Variants in ATRNL1 observed in about 807,000 individuals in gnomAD.
ATRNL1 encodes the protein attractin like 1.
Under a neutral mutation model 182.7 loss-of-function variants are expected in ATRNL1, and 95 were observed. The observed-to-expected ratio is 0.52, with a 90% confidence interval of 0.44 to 0.62. The LOEUF (loss-of-function observed/expected upper bound fraction) is 0.62, where lower values mean the gene tolerates loss of function less well. ATRNL1 is among the 20% of genes least tolerant of loss of function. ATRNL1 has a pLI of 0.00. For synonymous variants in ATRNL1, 576 were observed against 568.3 expected, an observed-to-expected ratio of 1.01 and a Z score of -0.19; for missense variants, 1,471 against 1,679.5, an observed-to-expected ratio of 0.88 and a Z score of 2.17.
At chr10:115,777,170 T>C (rs1287876727) in intron 27 of ATRNL1, among the ~76,000 whole-genome samples, 4 of 152,202 alleles carry the variant, frequency 2.6e-5, no homozygotes, top group Non-Finnish European at 4.4e-5. Flanking sequence ...GTGGTTAATA[T>C]ACAATTTTAC....
At chr10:115,440,922 T>C (rs1846640316) in intron 21 of ATRNL1, among the ~76,000 whole-genome samples, 1 of 152,088 alleles carries the variant, frequency 6.6e-6, no homozygotes, top group South Asian at 2.1e-4. Context: ...CTCAAACCTT[T>C]ATCTGCACCA....
intron 27 of ATRNL1, among the ~76,000 whole-genome samples, chr10:115,793,261 CTTCTT>C (rs1555082161): frequency 1.3e-5 from 2 of 151,962 alleles, no homozygotes; most frequent in Admixed American, 6.6e-5. Flanking sequence ...GAAGAAATGT[CTTCTT>C]TTATATATTC....
At chr10:115,230,905 GA>G (rs1849907437) in intron 9 of ATRNL1, among the ~76,000 whole-genome samples, 1 of 145,404 alleles carries the variant, frequency 6.9e-6, no homozygotes, top group Non-Finnish European at 1.5e-5. Flanking sequence ...GAGAGAGAGA[GA>G]GAGAGAGAGA....
chr10:115,738,154 T>TTTTTTTTTTTTTTTTTTGTTTC (rs71010046), intron 27 of ATRNL1, among the ~76,000 whole-genome samples: 1 of 63,870 alleles, frequency 1.6e-5, no homozygotes, highest in Non-Finnish European at 3.3e-5. Flanking sequence ...TTTTTTTTTT[T>TTTTTTTTTTTTTTTTTTGTTTC]TTGAGATGGA....
chr10:115,166,888 T>C (rs1847070859), intron 7 of ATRNL1, among the ~76,000 whole-genome samples: 2 of 152,098 alleles, frequency 1.3e-5, no homozygotes, highest in Admixed American at 6.6e-5. Flanking sequence ...GCACAGAATT[T>C]TTAATTTTAG....
At position 115,763,226 on chromosome 10, in the gene ATRNL1, CT is replaced by C. The variant is rs147425093; in HGVS notation, c.3903+35872del. On this transcript the variant is annotated intron_variant, in intron 27 of 28. Coordinates refer to ENST00000355044, the MANE Select transcript of ATRNL1 (RefSeq NM_207303.4). ...TCATTCAAAAATATTTATTGAACAA[CT>C]CTTTTAGACCAAGATCTATGTTAAA... Among the ~76,000 whole-genome samples the C allele has an allele frequency of 9.9e-3, 1,506 of 152,088 alleles. 28 individuals carry two copies. Among genetic ancestry groups the C allele is most frequent in the African/African-American group, 0.033 (1,381 of 41,498 alleles).
intron 21 of ATRNL1, among the ~76,000 whole-genome samples, chr10:115,456,959 T>G (rs1847554367): frequency 6.6e-6 from 1 of 152,086 alleles, no homozygotes; most frequent in African/African-American, 2.4e-5. Context: ...GTGCAATGAC[T>G]TTTTTGCTCC....
At chr10:115,310,210 G>A (rs1554927414) in intron 17 of ATRNL1, among the ~76,000 whole-genome samples, 5 of 152,070 alleles carry the variant, frequency 3.3e-5, no homozygotes, top group African/African-American at 2.4e-5. Flanking sequence ...TGATCATGAT[G>A]AATTATCTTT....
intron 8 of ATRNL1, among the ~76,000 whole-genome samples, chr10:115,193,930 A>T (rs1367601428): frequency 1.3e-5 from 2 of 150,716 alleles, no homozygotes; most frequent in East Asian, 3.9e-4. Flanking sequence ...AAATTTTAAA[A>T]TTTTCTTCTG....
rs184032565 is a variant in ATRNL1, at chr10:115,718,345, G to T, written c.3796-8903G>T. 3.3e-5 allele frequency among the ~76,000 whole-genome samples: 5 copies of T among 152,086 alleles called. No individual in the cohort carries two copies. In the East Asian group the frequency reaches 9.7e-4, roughly 29 times the overall value. Reference sequence around the variant, plus strand: ...TTTTCCATAATACTTTTATGTATTTGTTTATGTAAGTCAACGTCGAACAAA... The same window carrying T: ...TTTTCCATAATACTTTTATGTATTTTTTTATGTAAGTCAACGTCGAACAAA... On this transcript the variant is annotated intron_variant, in intron 26 of 28. Coordinates refer to ENST00000355044, the MANE Select transcript of ATRNL1 (RefSeq NM_207303.4).
At chr10:115,103,684 C>T (rs1843880087) in intron 1 of ATRNL1, among the ~76,000 whole-genome samples, 1 of 152,248 alleles carries the variant, frequency 6.6e-6, no homozygotes, top group East Asian at 1.9e-4. Flanking sequence ...ATCCCCATTT[C>T]CCCCACTCCA....
At chr10:115,856,437 A>AAAAAAAAAAAAAAAAAAAAAG (rs1555102078) in intron 28 of ATRNL1, among the ~76,000 whole-genome samples, 2 of 143,868 alleles carry the variant, frequency 1.4e-5, no homozygotes, top group Non-Finnish European at 1.5e-5. Context: ...TCAAAAAAAA[A>AAAAAAAAAAAAAAAAAAAAAG]AAAAAAAAAA....
intron 26 of ATRNL1, among the ~76,000 whole-genome samples, chr10:115,607,883 T>A (rs1856951124): frequency 6.6e-6 from 1 of 151,966 alleles, no homozygotes; most frequent in African/African-American, 2.4e-5. Flanking sequence ...CTTCTTCGTA[T>A]ATGGAAATCA....
chr10:115,497,269 A>G (rs1299397299), intron 24 of ATRNL1, among the ~76,000 whole-genome samples: 2 of 152,028 alleles, frequency 1.3e-5, no homozygotes, highest in African/African-American at 4.8e-5. Context: ...GCATTATTTT[A>G]TTGAAATCCG....
chr10:115,424,367 G>T (rs894906343), intron 20 of ATRNL1, among the ~76,000 whole-genome samples: 1 of 152,162 alleles, frequency 6.6e-6, no homozygotes, highest in Non-Finnish European at 1.5e-5. Context: ...GTGGACAACA[G>T]TATGGAAGTT....
At position 115,566,073 on chromosome 10, in the gene ATRNL1, G is replaced by A. The variant is rs137961133; in HGVS notation, c.3795+16537G>A. ...CATAATTGTTTAAACAATTCTATAC[G>A]ATAGCTATAGTTTTCTTTTTTTCAT... is the stretch of plus-strand genomic sequence containing the variant. On this transcript the variant is annotated intron_variant, in intron 26 of 28. Transcript: ENST00000355044. 1.6e-3 allele frequency among the ~76,000 whole-genome samples: 247 copies of A among 151,946 alleles called. 1 individual carries two copies. Among genetic ancestry groups the A allele is most frequent in the African/African-American group, 5.7e-3 (235 of 41,462 alleles).
intron 25 of ATRNL1, among the ~76,000 whole-genome samples, chr10:115,521,263 C>T (rs1850919386): frequency 6.6e-6 from 1 of 152,056 alleles, no homozygotes; most frequent in South Asian, 2.1e-4. Flanking sequence ...AAGCATTTCT[C>T]CTGCCTCAGC....
intron 26 of ATRNL1, among the ~76,000 whole-genome samples, chr10:115,682,431 G>C (rs78615428): frequency 0.031 from 4,716 of 152,100 alleles, 242 homozygotes; most frequent in African/African-American, 0.11. Context: ...CAGCGACTTG[G>C]GGGGCTGGTA....
chr10:115,293,250 G>A (rs1853006088), intron 15 of ATRNL1, among the ~76,000 whole-genome samples: 1 of 151,912 alleles, frequency 6.6e-6, no homozygotes. Context: ...GTCTTTCCAG[G>A]TGAGGTAAGT....
Sources: allele counts gnomAD v4.1 joint callset (sites outside exome capture counted in the v4.1 genomes callset), GRCh38; gene constraint gnomAD v4.1.1; transcripts MANE v1.5; gene names NCBI Gene and HGNC (gene_info 2026-07-23, HGNC 2026-07-21).